CRHR1: variants seen among roughly 807,000 people sequenced by gnomAD.
CRHR1 encodes the protein corticotropin releasing hormone receptor 1.
In CRHR1, 28 loss-of-function variants were observed where a neutral mutation model predicts 56.0. That is an observed-to-expected ratio of 0.50 (90% CI 0.37 to 0.69). The LOEUF is 0.69. Ranked by LOEUF, CRHR1 falls within the 30% of genes least tolerant of loss-of-function variation. The pLI is 0.00. For synonymous variants in CRHR1, 195 were observed against 216.5 expected (o/e 0.90, Z 0.87); for missense variants, 376 against 548.0 (o/e 0.69, Z 3.13).
chr17:45,788,319 T>G lies in CRHR1; in HGVS notation c.33+3742T>G, dbSNP rs141091081. 5.4e-3 allele frequency among the ~76,000 whole-genome samples: 822 copies of G among 152,296 alleles called. 4 individuals are homozygous for G. Among genetic ancestry groups the G allele is most frequent in the Non-Finnish European group, 8.5e-3 (578 of 68,028 alleles). On this transcript the variant is annotated intron_variant, in intron 1 of 12. Coordinates refer to ENST00000314537, the MANE Select transcript of CRHR1 (RefSeq NM_004382.5). The stretch of plus-strand genomic sequence containing the variant: ...TCACCTTCCCTCTCTGAGCCACAGT[T>G]TATCTGTCTGTAAACAGGGGTATTG...
chr17:45,830,760 A>T, intron 7 of CRHR1, 120 bp from the exon 8 acceptor site: 1 of 1,205,996 alleles, frequency 8.3e-7, no homozygotes, highest in Non-Finnish European at 1.2e-6. Flanking sequence ...GAGGTGTGTG[A>T]GTTTGAGATC....
chr17:45,829,307 C>A lies in CRHR1; in HGVS notation c.420C>A (p.Leu140=), dbSNP rs1290278033. The A allele has an allele frequency of 1.2e-6, 2 of 1,613,694 alleles. No individual in the cohort carries two copies. Among genetic ancestry groups the A allele is most frequent in the African/African-American group, 1.3e-5 (1 of 74,936 alleles). The change falls in exon 5 of 13, where the codon CTC becomes CTA. Residue 140 remains leucine, a synonymous_variant. Coordinates refer to ENST00000314537, the MANE Select transcript of CRHR1 (RefSeq NM_004382.5). The part of the protein sequence containing the change: ...SLVALLVAFV[L]FLRLRSIRCL... ...TGGCCCTCCTGGTGGCCTTTGTCCT[C>A]TTTCTGCGGCTCAGGTGAGAAGACC... is the stretch of plus-strand genomic sequence containing the variant.
At chr17:45,812,989 G>A (rs1368951838) in intron 2 of CRHR1, among the ~76,000 whole-genome samples, 1 of 152,086 alleles carries the variant, frequency 6.6e-6, no homozygotes, top group African/African-American at 2.4e-5. Context: ...TCCCTACAGG[G>A]TCCCAGGGAC....
chr17:45,834,592 C>T, intron 12 of CRHR1, 32 bp from the exon 13 acceptor site: 2 of 1,587,236 alleles, frequency 1.3e-6, no homozygotes, highest in Non-Finnish European at 1.7e-6. Context: ...GAGCCACAGG[C>T]TCAGATGTCG....
intron 3 of CRHR1, among the ~76,000 whole-genome samples, chr17:45,820,711 C>A (rs2062021704): frequency 6.6e-6 from 1 of 152,184 alleles, no homozygotes; most frequent in Admixed American, 6.5e-5. Flanking sequence ...GGATGTTCCC[C>A]CCACCCACAG....
intron 11 of CRHR1, 68 bp downstream of exon 11, chr17:45,833,917 G>C: frequency 1.2e-6 from 2 of 1,612,654 alleles, no homozygotes; most frequent in Non-Finnish European, 1.7e-6. Flanking sequence ...GGCCTGGAGG[G>C]CAGGAGGCCA....
At chr17:45,785,732 TAAAC>T (rs2061324646) in intron 1 of CRHR1, among the ~76,000 whole-genome samples, 1 of 152,252 alleles carries the variant, frequency 6.6e-6, no homozygotes, top group Non-Finnish European at 1.5e-5. Flanking sequence ...TGGTTTGAGT[TAAAC>T]CACCAAGATT....
Position 45,787,660 on chromosome 17 carries a change from T to C in CRHR1, c.33+3083T>C, listed in dbSNP as rs746742276. Among the ~76,000 whole-genome samples, 39 of 152,326 alleles carry C rather than the reference T, an allele frequency of 2.6e-4. 1 individual carries two copies. The highest frequency in any genetic ancestry group is 2.1e-4 in the South Asian group (1 of 4,820). ...TCCTCAGTGTCACAGCCCAAGTCTG[T>C]TTCACGTTACTCCCGAGGCTCTGCA... On this transcript the variant is annotated intron_variant, in intron 1 of 12. Transcript: ENST00000314537.
At chr17:45,795,285 C>T (rs1240731471) in intron 1 of CRHR1, among the ~76,000 whole-genome samples, 1 of 152,200 alleles carries the variant, frequency 6.6e-6, no homozygotes, top group South Asian at 2.1e-4. Flanking sequence ...CACACTCTTC[C>T]CAAGGTCCAC....
At chr17:45,829,923 A>G (rs1175851407) in intron 5 of CRHR1, among the ~76,000 whole-genome samples, 171 bp from the exon 6 acceptor site, 1 of 152,048 alleles carries the variant, frequency 6.6e-6, no homozygotes, top group East Asian at 1.9e-4. Flanking sequence ...GAAGGGCTCC[A>G]TGGGGCATTA....
At position 45,821,432 on chromosome 17, in the gene CRHR1, A is replaced by C; in HGVS notation, c.319A>C (p.Asn107His). The change falls in exon 4 of 13, where the codon AAT becomes CAT. Residue 107 changes from asparagine to histidine, a missense_variant. Around this residue, in one of 2 missense-constraint regions of CRHR1, gnomAD observed 369 missense variants for 519.5 expected, o/e 0.71. Transcript: ENST00000314537. ...VNYSECQEIL[N>H]EEKKSKVHYH... ...TTACTCCGAGTGCCAGGAGATCCTC[A>C]ATGAGGAGGTGAGGCTGAGCCGAAC... 4 of 1,612,582 alleles carry C rather than the reference A, an allele frequency of 2.5e-6. No homozygotes were observed. Among genetic ancestry groups the C allele is most frequent in the Non-Finnish European group, 3.4e-6 (4 of 1,180,000 alleles).
intron 1 of CRHR1, 88 bp from the exon 2 acceptor site, chr17:45,806,922 C>T: frequency 1.8e-6 from 2 of 1,141,252 alleles, no homozygotes; most frequent in South Asian, 1.3e-5. Context: ...GGTGCAGTGT[C>T]ACCCCTGCAG....
intron 4 of CRHR1, chr17:45,827,776 C>T (rs557528422): frequency 6.6e-6 from 1 of 152,462 alleles, no homozygotes; most frequent in South Asian, 2.1e-4. Flanking sequence ...CCGGGCGGAA[C>T]TGGGCATAGG....
intron 1 of CRHR1, among the ~76,000 whole-genome samples, chr17:45,790,880 G>A (rs780385133): frequency 2.6e-5 from 4 of 152,246 alleles, no homozygotes; most frequent in African/African-American, 4.8e-5. Flanking sequence ...GAGAATCTTA[G>A]TTGAACCTTT....
intron 1 of CRHR1, among the ~76,000 whole-genome samples, chr17:45,802,452 G>A (rs562373577): frequency 5.3e-5 from 8 of 152,342 alleles, no homozygotes; most frequent in Middle Eastern, 3.4e-3. Flanking sequence ...AGTGGAGCTT[G>A]AAGAGGAGAT....
Position 45,834,865 on chromosome 17 carries a change from T to C in CRHR1, c.*101T>C. 1 of 1,499,032 alleles carries C rather than the reference T, an allele frequency of 6.7e-7. No individual in the cohort carries two copies. The highest frequency in any genetic ancestry group is 9.1e-7 in the Non-Finnish European group (1 of 1,099,476). 92.9% of individuals were successfully genotyped at this position (1,499,032 alleles called of 1,614,324 possible). Reference sequence around the variant, plus strand: ...TGTGGAGGTGACCTGTTAGGTCTCATGCCCACTCCCCCAGGAGCAGCTGGC... The same window carrying C: ...TGTGGAGGTGACCTGTTAGGTCTCACGCCCACTCCCCCAGGAGCAGCTGGC... On this transcript the variant is annotated 3_prime_UTR_variant, in exon 13 of 13. Coordinates refer to ENST00000314537, the MANE Select transcript of CRHR1 (RefSeq NM_004382.5).
At chr17:45,798,481 G>A (rs377590337) in intron 1 of CRHR1, among the ~76,000 whole-genome samples, 6 of 147,870 alleles carry the variant, frequency 4.1e-5, no homozygotes, top group Admixed American at 2.0e-4. Flanking sequence ...AGCCAAGATC[G>A]CGCCACTGCA....
intron 1 of CRHR1, among the ~76,000 whole-genome samples, chr17:45,804,274 G>A (rs1295171470): frequency 2.0e-5 from 3 of 152,182 alleles, no homozygotes; most frequent in Non-Finnish European, 4.4e-5. Context: ...CTGGGGTTAT[G>A]CTTCAGAACC....
Position 45,834,903 on chromosome 17 carries a change from G to GC in CRHR1, c.*139_*140insC. 3.4e-6 allele frequency: 4 copies of GC among 1,171,226 alleles called. No homozygotes were observed. Among genetic ancestry groups the GC allele is most frequent in the Admixed American group, 2.2e-5 (1 of 44,964 alleles). 72.6% of individuals were successfully genotyped at this position (1,171,226 alleles called of 1,614,324 possible). On this transcript the variant is annotated 3_prime_UTR_variant, in exon 13 of 13. Transcript: ENST00000314537. The stretch of plus-strand genomic sequence containing the variant: ...AGGAGCAGCTGGCACTGACAGCCTG[G>GC]GGGGGCCGCTCTCCCCCTGCAGCCG...
Sources: gnomAD v4.1 joint callset for allele counts (sites outside exome capture counted in the v4.1 genomes callset) on GRCh38, gnomAD v4.1.1 for gene constraint, gnomAD v4.1.1 regional missense constraint, MANE v1.5 for transcripts, NCBI Gene and HGNC (gene_info 2026-07-23, HGNC 2026-07-21) for gene names.